ZNF471: variants seen among roughly 807,000 people sequenced by gnomAD.
ZNF471 encodes zinc finger protein 471, also known as EZFIT-related protein 1.
A neutral mutation model predicts 13.7 loss-of-function variants in ZNF471; 7 were observed. The ratio of observed to expected loss-of-function variants is 0.51; its 90% CI spans 0.29 to 0.96. The LOEUF (loss-of-function observed/expected upper bound fraction) is 0.96, where lower values mean the gene tolerates loss of function less well. Among genes scored for constraint, ZNF471 ranks in the 40% least tolerant of loss-of-function variants. The pLI is 0.08. For missense variants in ZNF471, 663 were observed against 743.3 expected (o/e 0.89, Z 1.26); for synonymous variants, 218 against 235.6 (o/e 0.93, Z 0.68).
intron 4 of ZNF471, among the ~76,000 whole-genome samples, chr19:56,523,260 G>A (rs944791284): frequency 7.9e-5 from 12 of 152,228 alleles, no homozygotes; most frequent in African/African-American, 2.9e-4. Flanking sequence ...TGTAATCCTA[G>A]CTACTCAAGA....
intron 4 of ZNF471, among the ~76,000 whole-genome samples, chr19:56,520,108 C>G (rs1363798819): frequency 6.6e-6 from 1 of 152,128 alleles, no homozygotes; most frequent in Non-Finnish European, 1.5e-5. Flanking sequence ...CTTGGATGTA[C>G]TTTATACTTT....
At chr19:56,512,751 C>T (rs2043828675) in intron 2 of ZNF471, among the ~76,000 whole-genome samples, 1 of 152,114 alleles carries the variant, frequency 6.6e-6, no homozygotes, top group African/African-American at 2.4e-5. Context: ...ATCCTTAATT[C>T]TCCCACTGTG....
rs2043770656 is a variant in ZNF471, at chr19:56,508,796, TGA to T, written c.-56+881_-56+882del. On this transcript the variant is annotated intron_variant, in intron 1 of 4. Transcript: ENST00000308031. The surrounding 1 kb of genome is among the most constrained non-coding windows in gnomAD (Gnocchi z 4.7). ...TGTGAGACCAGGGTGTGTTCGTGTGTGAGAGACAACATAGCGTGAGACCAGTG... is the reference window on the plus strand; with the variant it reads ...TGTGAGACCAGGGTGTGTTCGTGTGTGAGACAACATAGCGTGAGACCAGTG... Among the ~76,000 whole-genome samples the T allele has an allele frequency of 6.7e-6, 1 of 150,186 alleles. No homozygotes were observed. The highest frequency in any genetic ancestry group is 2.1e-4 in the South Asian group (1 of 4,724).
At position 56,527,524 on chromosome 19, in the gene ZNF471, C is replaced by T. The variant is rs2147933677; in HGVS notation, c.*1576C>T. On this transcript the variant is annotated 3_prime_UTR_variant, in exon 5 of 5. Coordinates refer to ENST00000308031, the MANE Select transcript of ZNF471 (RefSeq NM_020813.4). Reference sequence around the variant, plus strand: ...TTCAGAAGGTGGGAAATAACAAACTCCTCTGAGCTAAAGGAGCATGTTCTA... The same window carrying T: ...TTCAGAAGGTGGGAAATAACAAACTTCTCTGAGCTAAAGGAGCATGTTCTA... 1 of 152,216 alleles carries T rather than the reference C, an allele frequency of 6.6e-6. No individual in the cohort carries two copies. Among genetic ancestry groups the T allele is most frequent in the East Asian group, 1.9e-4 (1 of 5,172 alleles). 9.4% of individuals were successfully genotyped at this position (152,216 alleles called of 1,614,324 possible). A position where few individuals can be genotyped will look rare whatever the true frequency, so the allele number is the denominator to read the frequency against.
At position 56,526,599 on chromosome 19, in the gene ZNF471, ACTGGCTTGGAATTC is replaced by A. The variant is rs2044051886; in HGVS notation, c.*652_*665del. 1 of 152,322 alleles carries A rather than the reference ACTGGCTTGGAATTC, an allele frequency of 6.6e-6. No homozygotes were observed. Among genetic ancestry groups the A allele is most frequent in the Non-Finnish European group, 1.5e-5 (1 of 68,152 alleles). 9.4% of individuals were successfully genotyped at this position (152,322 alleles called of 1,614,324 possible). ...CACTGAGCCCAGCAAGCTAAGATCC[ACTGGCTTGGAATTC>A]TCCCTGCCAGCACAGCAGTCTGAAG... On this transcript the variant is annotated 3_prime_UTR_variant, in exon 5 of 5. Coordinates refer to ENST00000308031, the MANE Select transcript of ZNF471 (RefSeq NM_020813.4).
At chr19:56,509,023 C>T (rs1270288949) in intron 1 of ZNF471, among the ~76,000 whole-genome samples, 1 of 152,152 alleles carries the variant, frequency 6.6e-6, no homozygotes, top group African/African-American at 2.4e-5. Flanking sequence ...TGTTTCCTGG[C>T]TTACGACTTC....
In ZNF471 at chr19:56,529,031, T is replaced by C. The variant is rs2044080853; in HGVS notation, c.*3083T>C. 6.6e-6 allele frequency: 1 copy of C among 152,200 alleles called. No homozygotes were observed. Among genetic ancestry groups the C allele is most frequent in the East Asian group, 1.9e-4 (1 of 5,196 alleles). The allele number at this position is 152,200 out of a possible 1,614,324, so 9.4% of individuals were successfully genotyped here. A position where few individuals can be genotyped will look rare whatever the true frequency, so the allele number is the denominator to read the frequency against. On this transcript the variant is annotated 3_prime_UTR_variant, in exon 5 of 5. Transcript: ENST00000308031. The stretch of plus-strand genomic sequence containing the variant: ...TTATAGGTGAGTTTACTTAGTTATA[T>C]ACAAAAGGAAATTATTAGCCTCTGC...
intron 4 of ZNF471, among the ~76,000 whole-genome samples, chr19:56,521,271 A>G (rs182686358): frequency 5.9e-5 from 9 of 152,312 alleles, no homozygotes; most frequent in Non-Finnish European, 1.3e-4. Context: ...CAATGTATCT[A>G]TCCATTATGG....
chr19:56,526,059 C>T lies in ZNF471; in HGVS notation c.*111C>T. On this transcript the variant is annotated 3_prime_UTR_variant, in exon 5 of 5. Transcript: ENST00000308031. ...AATGTAAGAAATGTAGAAAAACCTT[C>T]AGCCAGGAGGCTGGCAAGATGGCCG... is the stretch of plus-strand genomic sequence containing the variant. The T allele has an allele frequency of 8.2e-7, 1 of 1,220,412 alleles. No individual in the cohort carries two copies. The highest frequency in any genetic ancestry group is 1.1e-6 in the Non-Finnish European group (1 of 896,054). The allele number at this position is 1,220,412 out of a possible 1,614,324, so 75.6% of individuals were successfully genotyped here.
In ZNF471 at chr19:56,525,929, A is replaced by C; in HGVS notation, c.1862A>C (p.His621Pro). 1 of 1,565,182 alleles carries C rather than the reference A, an allele frequency of 6.4e-7. No individual in the cohort carries two copies. Among genetic ancestry groups the C allele is most frequent in the Non-Finnish European group, 8.6e-7 (1 of 1,159,542 alleles). ...KLSLICHQRS[H>P]TGEEP ...TCCTTAATTTGTCATCAAAGAAGTC[A>C]TACTGGAGAAGAACCTTAAGAATGT... Residue 621 changes from histidine to proline, a missense_variant, in exon 5 of 5, where the codon CAT becomes CCT. Transcript: ENST00000308031.
intron 4 of ZNF471, among the ~76,000 whole-genome samples, chr19:56,521,489 A>G (rs927253609): frequency 6.6e-6 from 1 of 152,018 alleles, no homozygotes; most frequent in Non-Finnish European, 1.5e-5. Context: ...ATACAAAAAA[A>G]TTAGCTGGGC....
At position 56,510,381 on chromosome 19, in the gene ZNF471, CTA is replaced by C. The variant is rs2043794011; in HGVS notation, c.-55-1134_-55-1133del. The C allele has an allele frequency of 2.0e-6, 2 of 985,482 alleles. No homozygotes were observed. Among genetic ancestry groups the C allele is most frequent in the Non-Finnish European group, 1.2e-6 (1 of 829,974 alleles). 61.0% of individuals were successfully genotyped at this position (985,482 alleles called of 1,614,324 possible). A position where few individuals can be genotyped will look rare whatever the true frequency, so the allele number is the denominator to read the frequency against. ...GAGACCAAAATGGGTGAGAAAGAAA[CTA>C]TGTGAACCATGGTGTGTTATCCAAA... On this transcript the variant is annotated intron_variant, in intron 1 of 4. Transcript: ENST00000308031. This position sits in a 1 kb window ranked among gnomAD's most constrained non-coding sequence, Gnocchi z 4.3.
intron 1 of ZNF471, chr19:56,511,055 C>T (rs1445050751): frequency 1.0e-6 from 1 of 980,834 alleles, no homozygotes; most frequent in African/African-American, 1.8e-5. Context: ...TAACCCTGGC[C>T]TCTGGTGGCA....
In ZNF471 at chr19:56,518,658, T is replaced by C. The variant is rs113359079; in HGVS notation, c.256+81T>C. The C allele has an allele frequency of 1.3e-3, 1,588 of 1,185,076 alleles. 8 individuals carry two copies. In the African/African-American group the frequency reaches 0.018, roughly 14 times the overall value. The allele number at this position is 1,185,076 out of a possible 1,614,324, so 73.4% of individuals were successfully genotyped here. ...TTTAGAGGTGATACCTTCTCACTTA[T>C]GCATCTCAGAAACTCTTCATAAGCC... On this transcript the variant is annotated intron_variant, in intron 4 of 4. Transcript: ENST00000308031.
chr19:56,519,268 C>T (rs1430427937), intron 4 of ZNF471, among the ~76,000 whole-genome samples: 1 of 152,120 alleles, frequency 6.6e-6, no homozygotes, highest in Non-Finnish European at 1.5e-5. Context: ...CTGTGTTTTA[C>T]AAATGTCATA....
Position 56,510,877 on chromosome 19 carries a change from C to G in ZNF471, c.-55-640C>G. The G allele has an allele frequency of 1.0e-6, 1 of 985,418 alleles. No individual in the cohort carries two copies. Among genetic ancestry groups the G allele is most frequent in the Non-Finnish European group, 1.2e-6 (1 of 829,948 alleles). The allele number at this position is 985,418 out of a possible 1,614,324, so 61.0% of individuals were successfully genotyped here. ...AAGCTCCTAACTGAAGCAGGAGACA[C>G]CCTCACTTCTGTGTGACAGGAGGGT... On this transcript the variant is annotated intron_variant, in intron 1 of 4. Transcript: ENST00000308031. This position sits in a 1 kb window ranked among gnomAD's most constrained non-coding sequence, Gnocchi z 4.3.
In ZNF471 at chr19:56,516,447, T is replaced by TTTCTTATATTA. The variant is rs1282281729; in HGVS notation, c.160+48_160+49insCTTATATTATT. 1.3e-6 allele frequency: 2 copies of TTTCTTATATTA among 1,551,746 alleles called. No homozygotes were observed. The highest frequency in any genetic ancestry group is 2.8e-5 in the African/African-American group (2 of 72,238). On this transcript the variant is annotated intron_variant, in intron 3 of 4. Transcript: ENST00000308031. This position sits in a 1 kb window ranked among gnomAD's most constrained non-coding sequence, Gnocchi z 4.4. ...GCATAATCTACCTTTAAGGAACTTT[T>TTTCTTATATTA]TTGTCTATATATTATTAAATTTGCT... is the stretch of plus-strand genomic sequence containing the variant.
At chr19:56,515,605 T>C (rs1267913897) in intron 2 of ZNF471, among the ~76,000 whole-genome samples, 2 of 152,240 alleles carry the variant, frequency 1.3e-5, no homozygotes, top group Non-Finnish European at 2.9e-5. Flanking sequence ...AGTTATATTT[T>C]TGATAACTTT....
Position 56,528,959 on chromosome 19 carries a change from T to C in ZNF471, c.*3011T>C, listed in dbSNP as rs991507829. 6 of 152,052 alleles carry C rather than the reference T, an allele frequency of 3.9e-5. No individual in the cohort carries two copies. The highest frequency in any genetic ancestry group is 1.4e-4 in the African/African-American group (6 of 41,410). The allele number at this position is 152,052 out of a possible 1,614,324, so 9.4% of individuals were successfully genotyped here. On this transcript the variant is annotated 3_prime_UTR_variant, in exon 5 of 5. Transcript: ENST00000308031. Reference sequence around the variant, plus strand: ...CACTTAAAATGTTCCACTTCTTTCATGAGGCTAAGTCAACTCTGATATCAA... The same window carrying C: ...CACTTAAAATGTTCCACTTCTTTCACGAGGCTAAGTCAACTCTGATATCAA...
Sources: gnomAD v4.1 joint callset for allele counts (sites outside exome capture counted in the v4.1 genomes callset) on GRCh38, gnomAD v4.1.1 for gene constraint, Gnocchi (gnomAD v3.1) non-coding constraint, MANE v1.5 for transcripts, NCBI Gene and HGNC (gene_info 2026-07-23, HGNC 2026-07-21) for gene names.